The following SORCS2 variants were observed in gnomAD, a reference collection of about 807,000 sequenced individuals.
The protein encoded by SORCS2 is VPS10 domain-containing receptor SorCS2.
In SORCS2, 100 loss-of-function variants were observed where a neutral mutation model predicts 141.6. The observed-to-expected ratio is 0.71, with a 90% CI of 0.60 to 0.83. SORCS2 has a LOEUF of 0.83. Among genes scored for constraint, SORCS2 ranks in the 40% least tolerant of loss-of-function variants. SORCS2 has a pLI of 0.00. For missense variants in SORCS2, 1,646 were observed against 1,560.2 expected (o/e 1.05, Z -0.93); for synonymous variants, 789 against 676.9 (o/e 1.17, Z -2.57).
intron 2 of SORCS2, among the ~76,000 whole-genome samples, chr4:7,526,846 G>A (rs1733727898): frequency 6.6e-6 from 1 of 152,138 alleles, no homozygotes; most frequent in African/African-American, 2.4e-5. Context: ...ATAAAGAACA[G>A]GTGAAATTAA....
rs548051794 is a variant in SORCS2, at chr4:7,219,879, A to T, written c.480+26753A>T. Among the ~76,000 whole-genome samples, 24 of 152,308 alleles carry T rather than the reference A, an allele frequency of 1.6e-4. No individual in the cohort carries two copies. In the East Asian group the frequency reaches 4.6e-3, roughly 29 times the overall value. On this transcript the variant is annotated intron_variant, in intron 1 of 26. Transcript: ENST00000507866. Reference sequence around the variant, plus strand: ...CACAGACCTTGCCCGCAGCAGCCGCACTGTGAGAGCCTCACACTTGCACCC... The same window carrying T: ...CACAGACCTTGCCCGCAGCAGCCGCTCTGTGAGAGCCTCACACTTGCACCC...
intron 1 of SORCS2, among the ~76,000 whole-genome samples, chr4:7,322,888 T>C (rs1042767623): frequency 6.6e-6 from 1 of 152,170 alleles, no homozygotes; most frequent in Non-Finnish European, 1.5e-5. Flanking sequence ...AGCCCCTGCC[T>C]GCCTAGAGCC....
intron 1 of SORCS2, among the ~76,000 whole-genome samples, chr4:7,243,102 T>G (rs1363594585): frequency 6.6e-6 from 1 of 152,176 alleles, no homozygotes; most frequent in Non-Finnish European, 1.5e-5. Flanking sequence ...CCACAGGCTT[T>G]CTTTCTCCAT....
chr4:7,221,632 C>T (rs570802508), intron 1 of SORCS2, among the ~76,000 whole-genome samples: 5 of 152,290 alleles, frequency 3.3e-5, no homozygotes, highest in East Asian at 1.9e-4. Context: ...GTGAGGGCAC[C>T]GGAGAAACAG....
chr4:7,640,278 G>C (rs1720621538), intron 4 of SORCS2, among the ~76,000 whole-genome samples: 1 of 149,898 alleles, frequency 6.7e-6, no homozygotes, highest in Admixed American at 6.6e-5. Context: ...GCATGTGTGG[G>C]TGTGTGTGAG....
intron 11 of SORCS2, among the ~76,000 whole-genome samples, chr4:7,695,910 GGATGGATGGATGGATT>G (rs1344603708): frequency 7.4e-6 from 1 of 134,814 alleles, no homozygotes; most frequent in Non-Finnish European, 1.6e-5. Flanking sequence ...ATGGATGGAT[GGATGGATGGATGGATT>G]GGTGGGTGGG....
chr4:7,710,376 C>T (rs960299018), intron 14 of SORCS2, among the ~76,000 whole-genome samples: 24 of 152,154 alleles, frequency 1.6e-4, no homozygotes, highest in African/African-American at 5.1e-4. Flanking sequence ...TACAAGGTCA[C>T]GCCTGGGCCC....
chr4:7,602,517 GGGCGGCCGGGCAGAGACGCTCCTC>G (rs1717779173), intron 3 of SORCS2, among the ~76,000 whole-genome samples: 1 of 150,892 alleles, frequency 6.6e-6, no homozygotes, highest in African/African-American at 2.4e-5. Context: ...CTCAGACGAT[GGGCGGCCGGGCAGAGACGCTCCTC>G]ACTTCCTAGA....
chr4:7,302,794 C>T (rs76514858), intron 1 of SORCS2, among the ~76,000 whole-genome samples: 10,410 of 47,530 alleles, frequency 0.22, 714 homozygotes, highest in African/African-American at 0.28. Context: ...TGTGTGCGCG[C>T]GCGTGTGTGT....
chr4:7,246,200 A>T (rs1713070687), intron 1 of SORCS2, among the ~76,000 whole-genome samples: 1 of 152,218 alleles, frequency 6.6e-6, no homozygotes, highest in South Asian at 2.1e-4. Flanking sequence ...GCATCATTCT[A>T]TGGCCTGGGT....
intron 2 of SORCS2, among the ~76,000 whole-genome samples, chr4:7,453,585 GCAC>G (rs1728642718): frequency 7.4e-6 from 1 of 136,036 alleles, no homozygotes; most frequent in Admixed American, 7.2e-5. Context: ...TTGGGGTCAG[GCAC>G]TGTGTTGGGG....
At chr4:7,531,286 T>C (rs890773203) in intron 2 of SORCS2, among the ~76,000 whole-genome samples, 3 of 152,190 alleles carry the variant, frequency 2.0e-5, no homozygotes, top group African/African-American at 7.2e-5. Flanking sequence ...GGACCTGACT[T>C]TGGATCCTAG....
chr4:7,649,369 A>C (rs1721290703), intron 4 of SORCS2, among the ~76,000 whole-genome samples: 1 of 151,292 alleles, frequency 6.6e-6, no homozygotes, highest in African/African-American at 2.4e-5. Context: ...GGGGCTGTGT[A>C]CCCATGTGAG....
chr4:7,445,262 G>A (rs1323732588), intron 2 of SORCS2, among the ~76,000 whole-genome samples: 1 of 152,208 alleles, frequency 6.6e-6, no homozygotes, highest in Non-Finnish European at 1.5e-5. Flanking sequence ...CCAGACCTGA[G>A]GAGCAAGTAC....
intron 4 of SORCS2, among the ~76,000 whole-genome samples, chr4:7,643,874 C>T (rs781339106): frequency 1.8e-4 from 27 of 152,136 alleles, no homozygotes; most frequent in African/African-American, 1.4e-4. Flanking sequence ...TTCGATACCA[C>T]GTTGATGGCT....
intron 1 of SORCS2, among the ~76,000 whole-genome samples, chr4:7,223,633 G>A (rs929263877): frequency 6.6e-6 from 1 of 152,170 alleles, no homozygotes; most frequent in Admixed American, 6.5e-5. Flanking sequence ...CCATACGGAT[G>A]TTCTCTAGAC....
At chr4:7,299,427 G>A (rs1012393909) in intron 1 of SORCS2, among the ~76,000 whole-genome samples, 6 of 152,200 alleles carry the variant, frequency 3.9e-5, no homozygotes, top group African/African-American at 7.2e-5. Context: ...TGTATGGATC[G>A]CATGGCCTCG....
chr4:7,273,582 G>A (rs1234197366), intron 1 of SORCS2, among the ~76,000 whole-genome samples: 1 of 152,184 alleles, frequency 6.6e-6, no homozygotes, highest in Non-Finnish European at 1.5e-5. Flanking sequence ...TGGACATGGA[G>A]GGCCCCATCC....
chr4:7,637,660 C>T (rs1023013670), intron 3 of SORCS2, among the ~76,000 whole-genome samples: 1 of 151,894 alleles, frequency 6.6e-6, no homozygotes, highest in Admixed American at 6.5e-5. Flanking sequence ...TGCAGCACCC[C>T]CTCCCTGGTG....
Sources: gnomAD v4.1 joint callset for allele counts (sites outside exome capture counted in the v4.1 genomes callset) on GRCh38, gnomAD v4.1.1 for gene constraint, MANE v1.5 for transcripts, NCBI Gene and HGNC (gene_info 2026-07-23, HGNC 2026-07-21) for gene names.